USPL1: variants seen among roughly 807,000 people sequenced by gnomAD.
The protein encoded by USPL1 is SUMO-specific isopeptidase USPL1.
In USPL1, 27 loss-of-function variants were observed where a neutral mutation model predicts 51.5. The observed-to-expected ratio is 0.52, with a 90% CI of 0.39 to 0.72. The LOEUF is 0.72. Among genes scored for constraint, USPL1 ranks in the 30% least tolerant of loss-of-function variants. The pLI is 0.00. For synonymous variants in USPL1, 451 were observed against 459.6 expected, an observed-to-expected ratio of 0.98 and a Z score of 0.24; for missense variants, 1,226 against 1,268.0, an observed-to-expected ratio of 0.97 and a Z score of 0.50.
At chr13:30,637,701 A>G in intron 4 of USPL1, 43 bp from the exon 5 acceptor site, 1 of 1,456,420 alleles carries the variant, frequency 6.9e-7, no homozygotes, top group Non-Finnish European at 9.5e-7. Flanking sequence ...GTGGGAAGAT[A>G]TACATTGATG....
In USPL1 at chr13:30,646,795, A is replaced by C. The variant is rs1429129868; in HGVS notation, c.1113-137A>C. 3.4e-6 allele frequency: 3 copies of C among 888,862 alleles called. No homozygotes were observed. The African/African-American group carries it at 5.1e-5, about 15-fold the overall frequency. The allele number at this position is 888,862 out of a possible 1,614,324, so 55.1% of individuals were successfully genotyped here. On this transcript the variant is annotated intron_variant, in intron 6 of 8. Coordinates refer to ENST00000255304, the MANE Select transcript of USPL1 (RefSeq NM_005800.5). ...GCTTCTTTACTAGAGGTAGGGAGGA[A>C]CATTGCCATATTAACATGATTTGGG...
rs540672387 is a variant in USPL1 at position 30,650,287 on chromosome 13, G to T, written c.1239-2861G>T. Among the ~76,000 whole-genome samples, 44 of 152,246 alleles carry T rather than the reference G, an allele frequency of 2.9e-4. 1 individual carries two copies. The highest frequency in any genetic ancestry group is 2.8e-3 in the Admixed American group (43 of 15,284). On this transcript the variant is annotated intron_variant, in intron 7 of 8. Coordinates refer to ENST00000255304, the MANE Select transcript of USPL1 (RefSeq NM_005800.5). ...ATTTTAAAAATATGCCATTAAGAAA[G>T]AAATGCTGGCCGGGCATGGTGGCTT...
intron 7 of USPL1, among the ~76,000 whole-genome samples, chr13:30,650,184 G>A (rs1951070749): frequency 6.6e-6 from 1 of 152,194 alleles, no homozygotes; most frequent in Admixed American, 6.5e-5. Flanking sequence ...GGGAATCAAA[G>A]AGGAAAATGA....
chr13:30,621,916 A>G, intron 3 of USPL1, 24 bp downstream of exon 3: 1 of 1,348,570 alleles, frequency 7.4e-7, no homozygotes, highest in Non-Finnish European at 9.7e-7. Flanking sequence ...CTTATATAGT[A>G]TATATAAGAT....
chr13:30,639,545 G>A lies in USPL1; in HGVS notation c.982+1688G>A, dbSNP rs79413215. 4.4e-3 allele frequency among the ~76,000 whole-genome samples: 676 copies of A among 152,052 alleles called. 5 individuals carry two copies. Among genetic ancestry groups the A allele is most frequent in the African/African-American group, 0.015 (604 of 41,432 alleles). On this transcript the variant is annotated intron_variant, in intron 5 of 8. Transcript: ENST00000255304. ...ACTGTTGTAATTTATGCATCAGATA[G>A]GCCCTCAGATGGAATGAATATTCTT...
intron 4 of USPL1, among the ~76,000 whole-genome samples, chr13:30,636,404 A>G (rs1010170904): frequency 6.6e-6 from 1 of 151,824 alleles, no homozygotes; most frequent in Admixed American, 6.6e-5. Flanking sequence ...CTTATTTCAT[A>G]TTACAGGAGA....
intron 6 of USPL1, among the ~76,000 whole-genome samples, chr13:30,646,722 T>G (rs1477953367): frequency 6.6e-6 from 1 of 152,222 alleles, no homozygotes; most frequent in African/African-American, 2.4e-5. Flanking sequence ...TCTTGCTTCA[T>G]CTCATAGTTG....
intron 8 of USPL1, among the ~76,000 whole-genome samples, chr13:30,655,584 T>G (rs1951151697): frequency 6.6e-6 from 1 of 152,212 alleles, no homozygotes; most frequent in Admixed American, 6.5e-5. Context: ...CTGTGTGTGC[T>G]CTGAGAAATC....
At chr13:30,639,601 T>A (rs1462307987) in intron 5 of USPL1, among the ~76,000 whole-genome samples, 1 of 152,142 alleles carries the variant, frequency 6.6e-6, no homozygotes, top group African/African-American at 2.4e-5. Context: ...AATTTACATA[T>A]AGTAAGACCG....
intron 5 of USPL1, 151 bp from the exon 6 acceptor site, chr13:30,642,477 C>T (rs899375056): frequency 3.7e-6 from 3 of 807,812 alleles, no homozygotes; most frequent in Non-Finnish European, 5.3e-6. Context: ...ATAAACTTCC[C>T]CTCTCCCAAC....
intron 2 of USPL1, among the ~76,000 whole-genome samples, chr13:30,621,512 T>C (rs1384875290): frequency 6.6e-6 from 1 of 152,110 alleles, no homozygotes; most frequent in African/African-American, 2.4e-5. Context: ...ACTTTTTTCC[T>C]TGCAAATAAA....
At chr13:30,647,831 T>C (rs1951038228) in intron 7 of USPL1, among the ~76,000 whole-genome samples, 2 of 152,230 alleles carry the variant, frequency 1.3e-5, no homozygotes, top group South Asian at 4.1e-4. Flanking sequence ...TAAAGGTTTA[T>C]TCTCATTGAA....
chr13:30,619,916 G>A (rs1329598182), intron 1 of USPL1, among the ~76,000 whole-genome samples: 5 of 152,190 alleles, frequency 3.3e-5, no homozygotes, highest in Non-Finnish European at 7.3e-5. Context: ...ACTTTTGGCT[G>A]TTGGATCTAG....
At chr13:30,653,673 C>T (rs529987652) in intron 8 of USPL1, among the ~76,000 whole-genome samples, 1 of 152,130 alleles carries the variant, frequency 6.6e-6, no homozygotes, top group South Asian at 2.1e-4. Flanking sequence ...TTACGTAGCC[C>T]TTCTGTCATT....
chr13:30,658,364 TTAA>T lies in USPL1; in HGVS notation c.2291_2293del (p.Ile764del). On this transcript the variant is annotated inframe_deletion, in exon 9 of 9. Coordinates refer to ENST00000255304, the MANE Select transcript of USPL1 (RefSeq NM_005800.5). ...ATTTGTGGGAAGTTGGGTTAAAGGCTTAATAAGCAGGGGTGCTTCTTTTATGCC... is the reference window on the plus strand; with the variant it reads ...ATTTGTGGGAAGTTGGGTTAAAGGCTTAAGCAGGGGTGCTTCTTTTATGCC... 1 of 1,613,796 alleles carries T rather than the reference TTAA, an allele frequency of 6.2e-7. No individual in the cohort carries two copies. Among genetic ancestry groups the T allele is most frequent in the East Asian group, 2.2e-5 (1 of 44,886 alleles).
intron 3 of USPL1, among the ~76,000 whole-genome samples, chr13:30,630,353 A>G (rs1950784955): frequency 6.6e-6 from 1 of 152,230 alleles, no homozygotes; most frequent in Non-Finnish European, 1.5e-5. Context: ...TCTAAACCCA[A>G]TAAAGATGTA....
At position 30,639,286 on chromosome 13, in the gene USPL1, C is replaced by T. The variant is rs558630037; in HGVS notation, c.982+1429C>T. On this transcript the variant is annotated intron_variant, in intron 5 of 8. Coordinates refer to ENST00000255304, the MANE Select transcript of USPL1 (RefSeq NM_005800.5). Reference sequence around the variant, plus strand: ...TATGTGCGTGTGTATATATATATATCGGGAAGCATGGCATCTTTTGTACAT... The same window carrying T: ...TATGTGCGTGTGTATATATATATATTGGGAAGCATGGCATCTTTTGTACAT... Among the ~76,000 whole-genome samples, 5 of 151,094 alleles carry T rather than the reference C, an allele frequency of 3.3e-5. No homozygotes were observed. In the South Asian group the frequency reaches 8.4e-4, roughly 25 times the overall value.
chr13:30,649,949 T>C (rs920748271), intron 7 of USPL1, among the ~76,000 whole-genome samples: 14 of 152,228 alleles, frequency 9.2e-5, no homozygotes, highest in African/African-American at 3.1e-4. Flanking sequence ...CCTAACTTGC[T>C]CTCCTCGACT....
intron 6 of USPL1, among the ~76,000 whole-genome samples, chr13:30,646,390 A>G (rs1297806435): frequency 6.6e-6 from 1 of 151,878 alleles, no homozygotes; most frequent in Non-Finnish European, 1.5e-5. Flanking sequence ...GTTAAGTTGT[A>G]TGTATTCCTG....
Sources: gnomAD v4.1 joint callset for allele counts (sites outside exome capture counted in the v4.1 genomes callset) on GRCh38, gnomAD v4.1.1 for gene constraint, MANE v1.5 for transcripts, NCBI Gene and HGNC (gene_info 2026-07-23, HGNC 2026-07-21) for gene names.